Variants in CCDC149 observed in about 807,000 individuals in gnomAD.
CCDC149 encodes coiled-coil domain containing 149.
A neutral mutation model predicts 59.9 loss-of-function variants in CCDC149; 45 were observed. The ratio of observed to expected loss-of-function variants is 0.75; its 90% CI spans 0.59 to 0.96. The LOEUF is 0.96. Among genes scored for constraint, CCDC149 ranks in the 40% least tolerant of loss-of-function variants. The pLI is 0.00. For missense variants in CCDC149, 584 were observed against 664.7 expected (o/e 0.88, Z 1.33); for synonymous variants, 245 against 260.6 (o/e 0.94, Z 0.58).
chr4:24,935,535 C>T (rs1315592468), intron 1 of CCDC149, among the ~76,000 whole-genome samples: 2 of 152,094 alleles, frequency 1.3e-5, no homozygotes, highest in Admixed American at 6.6e-5. Flanking sequence ...CAGCAGAACC[C>T]TCATGAGTGG....
At chr4:24,885,674 C>A (rs1295860595) in intron 1 of CCDC149, among the ~76,000 whole-genome samples, 1 of 152,152 alleles carries the variant, frequency 6.6e-6, no homozygotes, top group African/African-American at 2.4e-5. Flanking sequence ...CTAGGAGGGG[C>A]CAAGAGACAA....
intron 8 of CCDC149, among the ~76,000 whole-genome samples, chr4:24,834,624 A>C (rs1716373798): frequency 6.6e-6 from 1 of 152,216 alleles, no homozygotes; most frequent in Non-Finnish European, 1.5e-5. Flanking sequence ...AATGGGGTCT[A>C]GTGATTAGAA....
chr4:24,976,378 G>A (rs937882408), intron 1 of CCDC149, among the ~76,000 whole-genome samples: 6 of 152,126 alleles, frequency 3.9e-5, no homozygotes, highest in Admixed American at 6.5e-5. Flanking sequence ...GCTGGAGAAG[G>A]TGGAAATGGG....
At chr4:24,921,910 A>C (rs571101310) in intron 1 of CCDC149, among the ~76,000 whole-genome samples, 1 of 152,314 alleles carries the variant, frequency 6.6e-6, no homozygotes, top group East Asian at 1.9e-4. Context: ...AAAGGACCAC[A>C]GATGGGGGTG....
chr4:24,880,845 C>T (rs917869330), intron 1 of CCDC149, among the ~76,000 whole-genome samples: 2 of 152,094 alleles, frequency 1.3e-5, no homozygotes, highest in Non-Finnish European at 2.9e-5. Context: ...ACAAAAGGAC[C>T]AAAAGAACGC....
At chr4:24,916,340 T>C (rs1467595026), upstream of CCDC149, among the ~76,000 whole-genome samples, 4 of 152,158 alleles carry the variant, frequency 2.6e-5, no homozygotes, top group Non-Finnish European at 5.9e-5. Context: ...AACTCCAAAA[T>C]AGCTTAATCT....
chr4:24,812,634 C>T (rs558687081), intron 12 of CCDC149, among the ~76,000 whole-genome samples: 1 of 152,296 alleles, frequency 6.6e-6, no homozygotes, highest in South Asian at 2.1e-4. Flanking sequence ...CTGTATTAGT[C>T]TGTTTTCATG....
Position 24,808,473 on chromosome 4 carries a change from G to A in CCDC149, c.1539C>T (p.Ser513=). The stretch of plus-strand genomic sequence containing the variant: ...GTGTGGAAGCTTTGGCTGCTGGCCG[G>A]CTGGCCTCGAAGGAGTCCAGGTGAG... The change falls in exon 13 of 13, where the codon AGC becomes AGT. Residue 513 remains serine, a synonymous_variant. Coordinates refer to ENST00000635206, the MANE Select transcript of CCDC149 (RefSeq NM_001330643.2). The A allele has an allele frequency of 6.8e-7, 1 of 1,469,986 alleles. No homozygotes were observed. Among genetic ancestry groups the A allele is most frequent in the Non-Finnish European group, 9.0e-7 (1 of 1,109,732 alleles). The allele number at this position is 1,469,986 out of a possible 1,614,324, so 91.1% of individuals were successfully genotyped here.
intron 1 of CCDC149, among the ~76,000 whole-genome samples, chr4:24,963,052 T>G (rs1723688007): frequency 6.6e-6 from 1 of 151,566 alleles, no homozygotes; most frequent in South Asian, 2.1e-4. Context: ...GACTAACACC[T>G]GAAAACCTTG....
intron 1 of CCDC149, among the ~76,000 whole-genome samples, chr4:24,892,059 C>T (rs754461105): frequency 1.6e-4 from 24 of 152,042 alleles, no homozygotes; most frequent in South Asian, 6.2e-4. Context: ...TAAATAGTAG[C>T]GTCAAAATGG....
chr4:24,939,214 G>A (rs989807052), intron 1 of CCDC149, among the ~76,000 whole-genome samples: 10 of 152,192 alleles, frequency 6.6e-5, no homozygotes, highest in African/African-American at 2.4e-4. Flanking sequence ...GGAACGATCA[G>A]GCAGCAGCAT....
At chr4:24,973,912 C>T (rs1724061099) in intron 1 of CCDC149, among the ~76,000 whole-genome samples, 1 of 152,252 alleles carries the variant, frequency 6.6e-6, no homozygotes, top group Non-Finnish European at 1.5e-5. Flanking sequence ...GTAGGCCTTG[C>T]TCTGTTCCCC....
intron 1 of CCDC149, chr4:24,894,904 A>G (rs1720751021): frequency 6.6e-7 from 1 of 1,506,674 alleles, no homozygotes; most frequent in Admixed American, 2.0e-5. Context: ...CATGCCAGCC[A>G]TTTAGGCTTT....
At chr4:24,922,683 G>C (rs921804455) in intron 1 of CCDC149, among the ~76,000 whole-genome samples, 4 of 152,106 alleles carry the variant, frequency 2.6e-5, no homozygotes, top group African/African-American at 9.7e-5. Context: ...TCCCTTCTTA[G>C]TTCAAGGAGA....
chr4:24,827,083 C>T (rs895883346), intron 9 of CCDC149: 20 of 152,228 alleles, frequency 1.3e-4, no homozygotes, highest in African/African-American at 2.7e-4. Flanking sequence ...CTCCAGATGG[C>T]TTCCCTGCAG....
intron 1 of CCDC149, among the ~76,000 whole-genome samples, chr4:24,967,096 T>G (rs552202213): frequency 1.3e-5 from 2 of 152,310 alleles, no homozygotes; most frequent in Non-Finnish European, 2.9e-5. Context: ...GTTTATATAC[T>G]GTGTATGTCT....
chr4:24,941,694 A>G (rs1197594345), intron 1 of CCDC149, among the ~76,000 whole-genome samples: 1 of 152,236 alleles, frequency 6.6e-6, no homozygotes, highest in Non-Finnish European at 1.5e-5. Flanking sequence ...AATAGACGCA[A>G]TAAAAAATGA....
intron 12 of CCDC149, among the ~76,000 whole-genome samples, chr4:24,811,356 T>C (rs1051030103): frequency 8.6e-5 from 13 of 151,808 alleles, no homozygotes; most frequent in African/African-American, 2.9e-4. Flanking sequence ...CTATCCTGCG[T>C]CCCCCCTGCT....
intron 1 of CCDC149, among the ~76,000 whole-genome samples, chr4:24,956,833 C>T (rs1316184922): frequency 6.6e-6 from 1 of 152,228 alleles, no homozygotes; most frequent in African/African-American, 2.4e-5. Flanking sequence ...TAGCATACTT[C>T]ATTCACACTT....
Sources: gnomAD v4.1 joint callset for allele counts (sites outside exome capture counted in the v4.1 genomes callset) on GRCh38, gnomAD v4.1.1 for gene constraint, MANE v1.5 for transcripts, NCBI Gene and HGNC (gene_info 2026-07-23, HGNC 2026-07-21) for gene names.